Variants in PSMD1 observed in about 807,000 individuals in gnomAD.
PSMD1 encodes 26S proteasome non-ATPase regulatory subunit 1.
A neutral mutation model predicts 119.0 loss-of-function variants in PSMD1; 18 were observed. The observed-to-expected ratio is 0.15, with a 90% confidence interval of 0.10 to 0.22. The LOEUF (loss-of-function observed/expected upper bound fraction) is 0.22, where lower values mean the gene tolerates loss of function less well. Ranked by LOEUF, PSMD1 falls within the 10% of genes least tolerant of loss-of-function variation. PSMD1 has a pLI of 1.00. For missense variants in PSMD1, 702 were observed against 1,158.5 expected (o/e 0.61, Z 5.72); for synonymous variants, 374 against 396.6 (o/e 0.94, Z 0.68).
intron 12 of PSMD1, among the ~76,000 whole-genome samples, chr2:231,081,220 G>A (rs908540155): frequency 2.7e-5 from 4 of 147,948 alleles, no homozygotes; most frequent in Non-Finnish European, 4.5e-5. Flanking sequence ...GCCACAAATC[G>A]TGTGTGCAGG....
chr2:231,092,850 A>G (rs1178453346), intron 16 of PSMD1, among the ~76,000 whole-genome samples: 2 of 152,214 alleles, frequency 1.3e-5, no homozygotes, highest in African/African-American at 4.8e-5. Context: ...GCTATCTGCA[A>G]CCAAGAATGT....
rs182584095 is a variant in PSMD1, at chr2:231,073,621, G to T, written c.881+1206G>T. Among the ~76,000 whole-genome samples the T allele has an allele frequency of 1.6e-4, 24 of 152,146 alleles. No individual in the cohort carries two copies. The East Asian group carries it at 3.7e-3, about 23-fold the overall frequency. On this transcript the variant is annotated intron_variant, in intron 7 of 24. Coordinates refer to ENST00000308696, the MANE Select transcript of PSMD1 (RefSeq NM_002807.4). ...GATAATATTGAATCTTGTAATCCAG[G>T]AATATGGTGATCTTTTTCATTTACT...
intron 16 of PSMD1, chr2:231,109,392 G>A: frequency 1.2e-6 from 2 of 1,613,908 alleles, no homozygotes; most frequent in Non-Finnish European, 1.7e-6. Flanking sequence ...CCTTTAATAG[G>A]GACTGGAATG....
At chr2:231,117,301 A>G (rs988982478) in intron 16 of PSMD1, among the ~76,000 whole-genome samples, 1 of 152,108 alleles carries the variant, frequency 6.6e-6, no homozygotes. Context: ...GACTTAAGAC[A>G]TTGAAAATTT....
intron 19 of PSMD1, among the ~76,000 whole-genome samples, chr2:231,154,739 G>GATT (rs2125261137): frequency 6.6e-6 from 1 of 152,272 alleles, no homozygotes; most frequent in Admixed American, 6.5e-5. Context: ...GAAGTGCTGG[G>GATT]ATTATAGCTG....
intron 16 of PSMD1, among the ~76,000 whole-genome samples, chr2:231,105,817 A>G (rs1483225371): frequency 1.3e-5 from 2 of 152,140 alleles, no homozygotes; most frequent in Non-Finnish European, 2.9e-5. Flanking sequence ...CACTAACTTC[A>G]TGATCATCTT....
intron 19 of PSMD1, among the ~76,000 whole-genome samples, chr2:231,156,810 T>C (rs979761749): frequency 2.1e-4 from 32 of 152,184 alleles, no homozygotes; most frequent in Non-Finnish European, 3.8e-4. Flanking sequence ...TACATACTTA[T>C]CATTTTTTGT....
chr2:231,062,407 A>C, intron 3 of PSMD1, 86 bp downstream of exon 3: 1 of 1,531,312 alleles, frequency 6.5e-7, no homozygotes, highest in Non-Finnish European at 9.0e-7. Flanking sequence ...TTCATTTAGA[A>C]ATTTGCTGTT....
intron 21 of PSMD1, 96 bp downstream of exon 21, chr2:231,163,823 T>G: frequency 1.2e-6 from 1 of 842,446 alleles, no homozygotes. Context: ...GTTTTAAAAG[T>G]AACACTTCTT....
chr2:231,154,292 G>C (rs1017978753), intron 19 of PSMD1, among the ~76,000 whole-genome samples: 4 of 151,922 alleles, frequency 2.6e-5, no homozygotes, highest in African/African-American at 9.7e-5. Context: ...AAATTAGCCA[G>C]GAGTGGTGGC....
rs192382940 is a variant in PSMD1, at chr2:231,116,154, A to G, written c.1884-22582A>G. Among the ~76,000 whole-genome samples, 18 of 152,252 alleles carry G rather than the reference A, an allele frequency of 1.2e-4. No homozygotes were observed. In the East Asian group the frequency reaches 2.9e-3, roughly 24 times the overall value. ...AGCCATAGCATTCAGATTTTTTGTC[A>G]TTTAGTGGAAAAGGACCTTGGACAC... On this transcript the variant is annotated intron_variant, in intron 16 of 24. Coordinates refer to ENST00000308696, the MANE Select transcript of PSMD1 (RefSeq NM_002807.4).
chr2:231,123,275 A>C (rs944506296), intron 16 of PSMD1: 3 of 723,348 alleles, frequency 4.1e-6, no homozygotes, highest in Non-Finnish European at 7.4e-6. Context: ...AAAACAAGGG[A>C]CTGTTTACTT....
intron 16 of PSMD1, chr2:231,113,971 A>G: frequency 6.5e-7 from 1 of 1,546,156 alleles, no homozygotes; most frequent in Non-Finnish European, 8.9e-7. Flanking sequence ...ATTCTATAAA[A>G]TGGCAACTTT....
At chr2:231,059,156 C>T (rs929952786) in intron 1 of PSMD1, among the ~76,000 whole-genome samples, 2 of 152,208 alleles carry the variant, frequency 1.3e-5, no homozygotes, top group Non-Finnish European at 2.9e-5. Context: ...CTTTAAGCCT[C>T]TTTAAGGTGG....
chr2:231,147,872 G>A (rs1696286427), intron 18 of PSMD1, among the ~76,000 whole-genome samples: 1 of 152,140 alleles, frequency 6.6e-6, no homozygotes, highest in Non-Finnish European at 1.5e-5. Flanking sequence ...TAGATTTGAG[G>A]AGGTAGAGAA....
chr2:231,071,115 A>G (rs1211494138), intron 6 of PSMD1, among the ~76,000 whole-genome samples: 1 of 152,022 alleles, frequency 6.6e-6, no homozygotes, highest in African/African-American at 2.4e-5. Flanking sequence ...AGTTTTCTCT[A>G]CATAGGTTTT....
intron 16 of PSMD1, among the ~76,000 whole-genome samples, chr2:231,131,056 G>A (rs59886388): frequency 6.6e-6 from 1 of 151,858 alleles, no homozygotes; most frequent in African/African-American, 2.4e-5. Context: ...CTTTTTCTTT[G>A]TTTTCTTCCT....
At chr2:231,098,576 T>TCC (rs1559229151) in intron 16 of PSMD1, among the ~76,000 whole-genome samples, 2 of 151,540 alleles carry the variant, frequency 1.3e-5, no homozygotes, top group African/African-American at 2.4e-5. Flanking sequence ...TCTCTCTCTC[T>TCC]CCCCTCTCTG....
At chr2:231,101,796 C>T (rs1559230464) in intron 16 of PSMD1, among the ~76,000 whole-genome samples, 1 of 152,150 alleles carries the variant, frequency 6.6e-6, no homozygotes, top group Admixed American at 6.5e-5. Flanking sequence ...TGGTCGGTGG[C>T]ACTTTTTAGC....
Sources: gnomAD v4.1 joint callset for allele counts (sites outside exome capture counted in the v4.1 genomes callset) on GRCh38, gnomAD v4.1.1 for gene constraint, MANE v1.5 for transcripts, NCBI Gene and HGNC (gene_info 2026-07-23, HGNC 2026-07-21) for gene names.